Variants in FAAH2 observed in about 807,000 individuals in gnomAD.
The protein encoded by FAAH2 is fatty-acid amide hydrolase 2.
In FAAH2, 60 loss-of-function variants were observed where a neutral mutation model predicts 36.9. That is an observed-to-expected ratio of 1.63 (90% CI 1.32 to 2.02). The LOEUF (loss-of-function observed/expected upper bound fraction) is 2.02. FAAH2 is among the 30% of genes most tolerant of loss of function. FAAH2 has a pLI of 0.00. For synonymous variants in FAAH2, 214 were observed against 143.8 expected, an observed-to-expected ratio of 1.49 and a Z score of -3.49; for missense variants, 689 against 397.5, an observed-to-expected ratio of 1.73 and a Z score of -6.23.
chrX:57,441,695 G>T (rs1177985315), intron 8 of FAAH2, among the ~76,000 whole-genome samples: 1 of 110,093 alleles, frequency 9.1e-6, no homozygotes, highest in Non-Finnish European at 1.9e-5. Flanking sequence ...TTTTAATTGT[G>T]ATATTAGGGT....
intron 1 of FAAH2, among the ~76,000 whole-genome samples, chrX:57,291,514 C>A (rs988107100): frequency 1.8e-5 from 2 of 111,723 alleles, no homozygotes; most frequent in East Asian, 2.8e-4. Context: ...TTTTTTAAAA[C>A]CAAATTTAAT....
chrX:57,398,062 G>A (rs1320053049), intron 7 of FAAH2, among the ~76,000 whole-genome samples: 3 of 111,708 alleles, frequency 2.7e-5, no homozygotes, highest in Non-Finnish European at 5.6e-5. Flanking sequence ...AGTATTCCAT[G>A]GTGTATATGT....
chrX:57,272,275 T>C, the FAAH2 span, among the ~76,000 whole-genome samples: 2 of 109,580 alleles, frequency 1.8e-5, no homozygotes, highest in African/African-American at 6.6e-5. Flanking sequence ...CAAACCTGTG[T>C]TTGATTGGTG....
chrX:57,341,072 T>G (rs1283376795), intron 4 of FAAH2, among the ~76,000 whole-genome samples, 199 bp from the exon 5 acceptor site: 1 of 112,014 alleles, frequency 8.9e-6, no homozygotes, highest in Non-Finnish European at 1.9e-5. Context: ...CAGTAATTAC[T>G]TTAAAATGTA....
At chrX:57,222,126 T>C in the FAAH2 span, among the ~76,000 whole-genome samples, 2 of 111,227 alleles carry the variant, frequency 1.8e-5, no homozygotes, top group Non-Finnish European at 3.8e-5. Context: ...CGACCACATA[T>C]CCCTCCTCCA....
At chrX:57,211,667 T>G in the FAAH2 span, among the ~76,000 whole-genome samples, 1 of 112,061 alleles carries the variant, frequency 8.9e-6, no homozygotes, top group South Asian at 3.7e-4. Flanking sequence ...TGCATAGTGC[T>G]TGTGAATGAG....
chrX:57,128,642 C>G, the FAAH2 span, among the ~76,000 whole-genome samples: 1 of 111,333 alleles, frequency 9.0e-6, no homozygotes, highest in Admixed American at 9.5e-5. Flanking sequence ...GGAAAGAAAA[C>G]TGGCAATACA....
chrX:57,306,994 GATACATAT>G lies in FAAH2; in HGVS notation c.276-3595_276-3588del, dbSNP rs1257292881. Among the ~76,000 whole-genome samples the G allele has an allele frequency of 6.1e-4, 19 of 31,016 alleles. 4 individuals are homozygous for G. The South Asian group carries it at 0.016, about 27-fold the overall frequency. The allele number at this position is 31,016 out of a possible 115,157, so 26.9% of individuals were successfully genotyped here. On this transcript the variant is annotated intron_variant, in intron 2 of 10. Coordinates refer to ENST00000374900, the MANE Select transcript of FAAH2 (RefSeq NM_174912.4). ...ACACGTATACACACACACACACACA[GATACATAT>G]ATATATATATATATAGCCTTTGTCC...
the FAAH2 span, among the ~76,000 whole-genome samples, chrX:57,125,094 G>T: frequency 8.9e-6 from 1 of 112,658 alleles, no homozygotes; most frequent in East Asian, 2.8e-4. Flanking sequence ...GTTTTCAACG[G>T]GAATGCTTCC....
intron 4 of FAAH2, among the ~76,000 whole-genome samples, chrX:57,332,157 T>C (rs957900276): frequency 1.1e-4 from 12 of 112,591 alleles, no homozygotes; most frequent in Non-Finnish European, 2.1e-4. Context: ...CATATGTGGG[T>C]TAGCAAAATA....
At chrX:57,441,293 T>A (rs1317533853) in intron 8 of FAAH2, among the ~76,000 whole-genome samples, 2 of 111,601 alleles carry the variant, frequency 1.8e-5, no homozygotes, top group Admixed American at 9.5e-5. Context: ...GTTATTGGTG[T>A]ATTCAGTGAT....
intron 10 of FAAH2, among the ~76,000 whole-genome samples, chrX:57,463,394 C>T (rs1342922931): frequency 9.0e-6 from 1 of 111,152 alleles, no homozygotes; most frequent in African/African-American, 3.3e-5. Flanking sequence ...CATCATGCTA[C>T]CTGACTTTAA....
the FAAH2 span, among the ~76,000 whole-genome samples, chrX:57,182,757 G>A: frequency 9.0e-6 from 1 of 111,368 alleles, no homozygotes. Context: ...GTTCATTGCA[G>A]CACTCTTCAC....
At chrX:57,338,513 C>T (rs1303964139) in intron 4 of FAAH2, among the ~76,000 whole-genome samples, 4 of 111,565 alleles carry the variant, frequency 3.6e-5, no homozygotes, top group East Asian at 2.8e-4. Flanking sequence ...TGGGCATATA[C>T]TTGCAAGTCA....
At chrX:57,153,819 C>A in the FAAH2 span, among the ~76,000 whole-genome samples, 5 of 112,545 alleles carry the variant, frequency 4.4e-5, no homozygotes, top group Non-Finnish European at 9.4e-5. Context: ...CCTCAGATAA[C>A]CTGAGGACAA....
At position 57,448,436 on chromosome X, in the gene FAAH2, T is replaced by C. The variant is rs182791313; in HGVS notation, c.1229-88T>C. On this transcript the variant is annotated intron_variant, in intron 9 of 10. Transcript: ENST00000374900. The stretch of plus-strand genomic sequence containing the variant: ...CTTTCTCAGTGTTCTATAATGAACA[T>C]GTATTACTTGAATAAGAAAAGATAA... 4.7e-3 allele frequency: 3,899 copies of C among 832,448 alleles called. 13 individuals are homozygous for C. The highest frequency in any genetic ancestry group is 8.4e-3 in the Admixed American group (229 of 27,173). The allele number at this position is 832,448 out of a possible 1,213,427, so 68.6% of individuals were successfully genotyped here.
intron 8 of FAAH2, among the ~76,000 whole-genome samples, chrX:57,436,887 C>T (rs2056421722): frequency 9.0e-6 from 1 of 110,846 alleles, no homozygotes; most frequent in Non-Finnish European, 1.9e-5. Context: ...TCCATGACAC[C>T]ACTATCACCC....
intron 5 of FAAH2, among the ~76,000 whole-genome samples, chrX:57,357,621 C>T (rs2054190930): frequency 8.9e-6 from 1 of 111,785 alleles, no homozygotes; most frequent in Non-Finnish European, 1.9e-5. Flanking sequence ...AAATGCACAT[C>T]AAAACCACGA....
intron 7 of FAAH2, among the ~76,000 whole-genome samples, chrX:57,419,577 C>T (rs774850596): frequency 7.0e-4 from 78 of 111,235 alleles, no homozygotes; most frequent in Admixed American, 1.6e-3. Flanking sequence ...TTGTTTTTTT[C>T]TTGTAAATTT....
Sources: allele counts gnomAD v4.1 joint callset (sites outside exome capture counted in the v4.1 genomes callset), GRCh38; gene constraint gnomAD v4.1.1; transcripts MANE v1.5; gene names NCBI Gene and HGNC (gene_info 2026-07-23, HGNC 2026-07-21).